Variants in CATSPERT observed in about 807,000 individuals in gnomAD.
CATSPERT encodes the protein cation channel sperm-associated targeting subunit tau.
chr2:201,494,667 T>C, the CATSPERT span: 325 of 1,536,372 alleles, frequency 2.1e-4, no homozygotes, highest in Non-Finnish European at 2.7e-4. Flanking sequence ...TATTTCTATA[T>C]TTGTATATAT....
At chr2:201,542,582 T>C in the CATSPERT span, among the ~76,000 whole-genome samples, 4 of 152,214 alleles carry the variant, frequency 2.6e-5, no homozygotes, top group African/African-American at 9.6e-5. Context: ...CTCATTATGA[T>C]TTTGATTTGT....
chr2:201,492,658 A>G, the CATSPERT span: 501 of 1,531,062 alleles, frequency 3.3e-4, 3 homozygotes, highest in African/African-American at 6.0e-3. Context: ...AAAAGATCTC[A>G]GCTTTATTTC....
chr2:201,545,629 C>CAAAACA, the CATSPERT span: 1 of 143,216 alleles, frequency 7.0e-6, no homozygotes, highest in African/African-American at 5.7e-5. Context: ...TTCCTAGAAG[C>CAAAACA]AAAAAAAAAA....
chr2:201,588,126 C>T, the CATSPERT span, among the ~76,000 whole-genome samples: 44 of 152,110 alleles, frequency 2.9e-4, no homozygotes, highest in South Asian at 2.3e-3. Flanking sequence ...GCAGAAGGGA[C>T]GCCTCCCTAA....
chr2:201,581,554 A>G, the CATSPERT span, among the ~76,000 whole-genome samples: 12 of 32,830 alleles, frequency 3.7e-4, no homozygotes, highest in Admixed American at 6.6e-4. Context: ...GTGTGTATAT[A>G]TATATATATA....
the CATSPERT span, among the ~76,000 whole-genome samples, chr2:201,548,761 AT>A: frequency 2.6e-5 from 4 of 152,144 alleles, no homozygotes; most frequent in Admixed American, 6.6e-5. Flanking sequence ...GTTTAATCTC[AT>A]TCATGAATAT....
At chr2:201,618,990 C>A in the CATSPERT span, 1 of 1,614,086 alleles carries the variant, frequency 6.2e-7, no homozygotes, top group Non-Finnish European at 8.5e-7. Flanking sequence ...CCGAAGAAGC[C>A]TCCGACCCTT....
the CATSPERT span, chr2:201,547,521 TC>T: frequency 6.5e-7 from 1 of 1,539,496 alleles, no homozygotes; most frequent in Non-Finnish European, 8.9e-7. Context: ...ATCCTTATGT[TC>T]CAATTTTGGC....
chr2:201,590,694 G>A, the CATSPERT span, among the ~76,000 whole-genome samples: 216 of 152,216 alleles, frequency 1.4e-3, no homozygotes, highest in African/African-American at 5.0e-3. Flanking sequence ...GGTGTGAGAT[G>A]GTATCTCATT....
chr2:201,491,466 A>G, the CATSPERT span: 5 of 1,537,004 alleles, frequency 3.3e-6, no homozygotes, highest in Non-Finnish European at 4.4e-6. Flanking sequence ...CTGGTTTTAT[A>G]TAAAGAGTTT....
At chr2:201,535,357 T>C in the CATSPERT span, 2 of 980,116 alleles carry the variant, frequency 2.0e-6, no homozygotes, top group African/African-American at 1.8e-5. Flanking sequence ...GTAATAGTTA[T>C]TCCAATAAGA....
At chr2:201,493,152 T>G in the CATSPERT span, 8 of 1,526,814 alleles carry the variant, frequency 5.2e-6, no homozygotes, top group Non-Finnish European at 7.0e-6. Flanking sequence ...TTATTTCATC[T>G]GATTCACTAA....
At chr2:201,597,741 C>G in the CATSPERT span, among the ~76,000 whole-genome samples, 2 of 152,102 alleles carry the variant, frequency 1.3e-5, no homozygotes, top group African/African-American at 4.8e-5. Context: ...TTAGAGCAGA[C>G]GAGTGAGTCC....
the CATSPERT span, among the ~76,000 whole-genome samples, chr2:201,522,802 G>C: frequency 1.3e-5 from 2 of 152,194 alleles, no homozygotes; most frequent in African/African-American, 4.8e-5. Flanking sequence ...TATTCCTCTA[G>C]GTGATTTTGG....
chr2:201,504,103 C>A, the CATSPERT span, among the ~76,000 whole-genome samples: 322 of 152,322 alleles, frequency 2.1e-3, 3 homozygotes, highest in Middle Eastern at 3.4e-3. Flanking sequence ...GCCAAAGACT[C>A]CAGAGGAACT....
the CATSPERT span, among the ~76,000 whole-genome samples, chr2:201,586,342 AAAG>A: frequency 1.3e-5 from 2 of 152,130 alleles, no homozygotes; most frequent in Non-Finnish European, 2.9e-5. Flanking sequence ...GAGATGAAGA[AAAG>A]AAGACAAAAG....
At chr2:201,614,388 G>C in the CATSPERT span, among the ~76,000 whole-genome samples, 1 of 152,226 alleles carries the variant, frequency 6.6e-6, no homozygotes, top group Admixed American at 6.5e-5. Context: ...AGCCAGAAGA[G>C]AGTGGGGGCC....
At chr2:201,572,982 A>G in the CATSPERT span, among the ~76,000 whole-genome samples, 1 of 152,212 alleles carries the variant, frequency 6.6e-6, no homozygotes, top group South Asian at 2.1e-4. Context: ...GGAAAAACTG[A>G]AAGTGAAAAA....
chr2:201,571,309 C>A, the CATSPERT span, among the ~76,000 whole-genome samples: 1 of 152,156 alleles, frequency 6.6e-6, no homozygotes, highest in Non-Finnish European at 1.5e-5. Context: ...CGTTCAACAC[C>A]TAATTCCCTC....
Sources: allele counts gnomAD v4.1 joint callset (sites outside exome capture counted in the v4.1 genomes callset), GRCh38; gene constraint gnomAD v4.1.1; transcripts MANE v1.5; gene names NCBI Gene and HGNC (gene_info 2026-07-23, HGNC 2026-07-21).